The following DNER variants were observed in gnomAD, a reference collection of about 807,000 sequenced individuals.
DNER encodes the protein delta and Notch-like epidermal growth factor-related receptor.
DNER carries 33 observed loss-of-function variants against 78.2 expected under a neutral mutation model. The observed-to-expected ratio is 0.42, with a 90% CI of 0.32 to 0.56. The LOEUF (loss-of-function observed/expected upper bound fraction) is 0.56, where lower values mean the gene tolerates loss of function less well. DNER is among the 20% of genes least tolerant of loss of function. The probability of loss-of-function intolerance (pLI) is 0.11; values close to 1 mark genes in which losing one functional copy is unlikely to be tolerated. For synonymous variants in DNER, 417 were observed against 384.8 expected, an observed-to-expected ratio of 1.08 and a Z score of -0.98; for missense variants, 918 against 975.3, an observed-to-expected ratio of 0.94 and a Z score of 0.78.
intron 3 of DNER, chr2:229,586,987 C>T: frequency 5.1e-6 from 5 of 985,442 alleles, no homozygotes; most frequent in Non-Finnish European, 6.0e-6. Flanking sequence ...TCATTCGGCA[C>T]TCCCATCTCA....
At chr2:229,672,443 G>A (rs1368552381) in intron 1 of DNER, among the ~76,000 whole-genome samples, 1 of 151,550 alleles carries the variant, frequency 6.6e-6, no homozygotes, top group African/African-American at 2.4e-5. Context: ...AAGGAGGGTG[G>A]TGAGGATAAC....
chr2:229,687,021 C>A (rs1353863540), intron 1 of DNER, among the ~76,000 whole-genome samples: 1 of 152,090 alleles, frequency 6.6e-6, no homozygotes, highest in South Asian at 2.1e-4. Context: ...ATTTTATGCA[C>A]CTTAACATAA....
intron 6 of DNER, among the ~76,000 whole-genome samples, chr2:229,505,663 A>G (rs1401349175): frequency 6.6e-6 from 1 of 152,232 alleles, no homozygotes; most frequent in Non-Finnish European, 1.5e-5. Flanking sequence ...TATATTAAAC[A>G]AGAAAGACCT....
chr2:229,431,173 A>C (rs1031389548), intron 8 of DNER, among the ~76,000 whole-genome samples: 3 of 152,206 alleles, frequency 2.0e-5, no homozygotes, highest in African/African-American at 7.2e-5. Context: ...TACAGTAAAA[A>C]CCAAACGACC....
chr2:229,681,846 AC>A (rs1202966487), intron 1 of DNER, among the ~76,000 whole-genome samples: 2 of 151,350 alleles, frequency 1.3e-5, no homozygotes, highest in East Asian at 1.9e-4. Flanking sequence ...ACACACACAC[AC>A]ACACACACAC....
At chr2:229,382,378 T>C (rs1370274177) in intron 11 of DNER, among the ~76,000 whole-genome samples, 5 of 151,982 alleles carry the variant, frequency 3.3e-5, no homozygotes, top group Admixed American at 1.3e-4. Flanking sequence ...GATCACAACT[T>C]CTCACTAGCG....
chr2:229,661,742 C>T (rs1163212899), intron 1 of DNER, among the ~76,000 whole-genome samples: 6 of 152,148 alleles, frequency 3.9e-5, no homozygotes. Context: ...AATATGAACT[C>T]GCGGGAGTGG....
chr2:229,651,463 T>G (rs1698815834), intron 1 of DNER, among the ~76,000 whole-genome samples: 1 of 152,166 alleles, frequency 6.6e-6, no homozygotes, highest in Non-Finnish European at 1.5e-5. Flanking sequence ...ATCACTCTCT[T>G]TTTTGCCCTC....
At chr2:229,455,061 G>C (rs1290132277) in intron 7 of DNER, among the ~76,000 whole-genome samples, 1 of 152,034 alleles carries the variant, frequency 6.6e-6, no homozygotes, top group East Asian at 1.9e-4. Flanking sequence ...AGACTTAAAG[G>C]CTGAGTCACT....
At chr2:229,550,776 AAAATAAATAAAT>A (rs113610938) in intron 4 of DNER, among the ~76,000 whole-genome samples, 26 of 152,182 alleles carry the variant, frequency 1.7e-4, no homozygotes, top group African/African-American at 6.0e-4. Flanking sequence ...TCTGTCTCAA[AAAATAAATAAAT>A]AAATAAATAA....
intron 6 of DNER, among the ~76,000 whole-genome samples, chr2:229,480,380 C>T (rs1695131611): frequency 6.6e-6 from 1 of 152,070 alleles, no homozygotes; most frequent in Non-Finnish European, 1.5e-5. Context: ...CTTTTAATGG[C>T]CTCTTTAATT....
intron 4 of DNER, among the ~76,000 whole-genome samples, chr2:229,573,644 T>C (rs1697251503): frequency 6.6e-6 from 1 of 152,080 alleles, no homozygotes; most frequent in African/African-American, 2.4e-5. Context: ...CTTCAGGAGA[T>C]TGTAGTGGAA....
chr2:229,380,450 C>T (rs143543705), intron 11 of DNER, among the ~76,000 whole-genome samples: 37 of 152,224 alleles, frequency 2.4e-4, no homozygotes, highest in African/African-American at 7.9e-4. Flanking sequence ...GGTGACAGAG[C>T]GCGGAAGGGA....
At chr2:229,511,972 T>C (rs1451707167) in intron 6 of DNER, among the ~76,000 whole-genome samples, 1 of 152,232 alleles carries the variant, frequency 6.6e-6, no homozygotes, top group African/African-American at 2.4e-5. Flanking sequence ...TGTTTAACCA[T>C]GCTTGACTAA....
chr2:229,539,714 C>T (rs938243943), intron 5 of DNER, among the ~76,000 whole-genome samples: 2 of 152,156 alleles, frequency 1.3e-5, no homozygotes, highest in South Asian at 2.1e-4. Context: ...CTAGTTGTTA[C>T]GACAGTTACT....
intron 1 of DNER, among the ~76,000 whole-genome samples, chr2:229,641,199 C>T (rs1378829924): frequency 1.3e-5 from 2 of 152,108 alleles, no homozygotes; most frequent in African/African-American, 2.4e-5. Flanking sequence ...TTGTCCAACA[C>T]GCAGTCGTGA....
At chr2:229,683,661 G>A (rs1039783813) in intron 1 of DNER, among the ~76,000 whole-genome samples, 1 of 152,172 alleles carries the variant, frequency 6.6e-6, no homozygotes, top group African/African-American at 2.4e-5. Context: ...TGATGATGAT[G>A]ATGGTGACAA....
In DNER at chr2:229,684,498, T is replaced by A. The variant is rs547015364; in HGVS notation, c.276+29650A>T. 2.0e-5 allele frequency among the ~76,000 whole-genome samples: 3 copies of A among 152,212 alleles called. No homozygotes were observed. The East Asian group carries it at 5.8e-4, about 29-fold the overall frequency. ...CATCCTTTCTCTTTCCATTTCCCTC[T>A]GGAGATGTCTCTGCTGAGCTCCAGA... On this transcript the variant is annotated intron_variant, in intron 1 of 12. Transcript: ENST00000341772.
chr2:229,405,105 G>C (rs1465369216), intron 10 of DNER, among the ~76,000 whole-genome samples: 2 of 152,102 alleles, frequency 1.3e-5, no homozygotes, highest in African/African-American at 4.8e-5. Flanking sequence ...TAAAAAATCA[G>C]ACAAAGGATA....
Sources: allele counts gnomAD v4.1 joint callset (sites outside exome capture counted in the v4.1 genomes callset), GRCh38; gene constraint gnomAD v4.1.1; transcripts MANE v1.5; gene names NCBI Gene and HGNC (gene_info 2026-07-23, HGNC 2026-07-21).